INPP4B: variants seen among roughly 807,000 people sequenced by gnomAD.
INPP4B encodes the protein inositol polyphosphate-4-phosphatase type II B.
In INPP4B, 55 loss-of-function variants were observed where a neutral mutation model predicts 122.5. The ratio of observed to expected loss-of-function variants is 0.45; its 90% CI spans 0.36 to 0.56. The LOEUF is 0.56. Among genes scored for constraint, INPP4B ranks in the 20% least tolerant of loss-of-function variants. The probability of loss-of-function intolerance (pLI) is 0.00; values close to 1 mark genes in which losing one functional copy is unlikely to be tolerated. For synonymous variants in INPP4B, 403 were observed against 388.7 expected (o/e 1.04, Z -0.43); for missense variants, 1,000 against 1,097.7 (o/e 0.91, Z 1.26).
intron 3 of INPP4B, among the ~76,000 whole-genome samples, chr4:142,433,770 C>T (rs1809839736): frequency 1.3e-5 from 2 of 152,220 alleles, no homozygotes; most frequent in Admixed American, 1.3e-4. Context: ...TAGTGTTCTG[C>T]CAGCAAATTG....
rs183226976 is a variant in INPP4B, at chr4:142,245,993, T to C, written c.689-7982A>G. 9.2e-4 allele frequency among the ~76,000 whole-genome samples: 119 copies of C among 129,728 alleles called. 16 individuals carry two copies. Among genetic ancestry groups the C allele is most frequent in the African/African-American group, 3.6e-3 (114 of 31,518 alleles). The allele number at this position is 129,728 out of a possible 152,430, so 85.1% of individuals were successfully genotyped here. On this transcript the variant is annotated intron_variant, in intron 11 of 25. Transcript: ENST00000262992. ...ACACACATGTGTGTATGTATACATATATATGTGTATGTATACACACATGTG... is the reference window on the plus strand; with the variant it reads ...ACACACATGTGTGTATGTATACATACATATGTGTATGTATACACACATGTG...
intron 2 of INPP4B, among the ~76,000 whole-genome samples, chr4:142,703,298 T>C (rs189395744): frequency 6.6e-6 from 1 of 152,326 alleles, no homozygotes; most frequent in African/African-American, 2.4e-5. Flanking sequence ...GAATTTTAAA[T>C]TAATAAATAG....
At chr4:142,679,674 C>A (rs776248603) in intron 2 of INPP4B, among the ~76,000 whole-genome samples, 3 of 151,636 alleles carry the variant, frequency 2.0e-5, no homozygotes, top group Non-Finnish European at 4.4e-5. Context: ...CACCTCAAAC[C>A]CATACATAGG....
chr4:142,617,001 T>A (rs1743841799), intron 2 of INPP4B, among the ~76,000 whole-genome samples: 1 of 152,084 alleles, frequency 6.6e-6, no homozygotes, highest in Non-Finnish European at 1.5e-5. Flanking sequence ...TGTGCAGTAT[T>A]TGGGTGATGG....
intron 2 of INPP4B, among the ~76,000 whole-genome samples, chr4:142,537,302 T>G (rs982801031): frequency 2.0e-5 from 3 of 150,428 alleles, no homozygotes; most frequent in African/African-American, 7.3e-5. Context: ...TCAAAGTGTA[T>G]ACCTTAGATA....
chr4:142,119,796 TAC>T (rs34897089), intron 21 of INPP4B, among the ~76,000 whole-genome samples: 104,682 of 148,382 alleles, frequency 0.71, 38,767 homozygotes, highest in South Asian at 0.84. Flanking sequence ...AAAGTATATA[TAC>T]ACACACACAC....
chr4:142,736,447 A>C (rs1047204068), intron 1 of INPP4B, among the ~76,000 whole-genome samples: 3 of 152,072 alleles, frequency 2.0e-5, no homozygotes, highest in Admixed American at 2.0e-4. Context: ...AGACCCTAAA[A>C]CAGAAGCTTC....
chr4:142,311,109 T>C (rs1765354563), intron 8 of INPP4B, among the ~76,000 whole-genome samples: 3 of 152,156 alleles, frequency 2.0e-5, no homozygotes, highest in Non-Finnish European at 4.4e-5. Context: ...GACAGAGCCA[T>C]TACTGGCTCT....
At chr4:142,306,777 A>G (rs1041031328) in intron 8 of INPP4B, among the ~76,000 whole-genome samples, 1 of 152,200 alleles carries the variant, frequency 6.6e-6, no homozygotes, top group African/African-American at 2.4e-5. Flanking sequence ...CTGGAGGCTG[A>G]GGCAGGAGGA....
chr4:142,747,885 G>A (rs955466533), intron 1 of INPP4B, among the ~76,000 whole-genome samples: 2 of 152,016 alleles, frequency 1.3e-5, no homozygotes, highest in African/African-American at 4.8e-5. Flanking sequence ...TGGGGGAGCT[G>A]GGGAAGGGAT....
intron 3 of INPP4B, among the ~76,000 whole-genome samples, chr4:142,435,665 C>A (rs1810308063): frequency 6.6e-6 from 1 of 152,216 alleles, no homozygotes; most frequent in Non-Finnish European, 1.5e-5. Flanking sequence ...TGGCTGCCCA[C>A]CTGAGAGCCA....
At chr4:142,172,167 T>G (rs1250140486) in intron 16 of INPP4B, among the ~76,000 whole-genome samples, 1 of 151,942 alleles carries the variant, frequency 6.6e-6, no homozygotes, top group Non-Finnish European at 1.5e-5. Context: ...AAAAAAAAAC[T>G]TTTAAATAAG....
Position 142,145,896 on chromosome 4 carries a change from TTGCCGCCAC to T in INPP4B, c.1655_1663del (p.Ser552_Gly554del). 1 of 1,613,926 alleles carries T rather than the reference TTGCCGCCAC, an allele frequency of 6.2e-7. No individual in the cohort carries two copies. Among genetic ancestry groups the T allele is most frequent in the Non-Finnish European group, 8.5e-7 (1 of 1,179,820 alleles). ...TGAAGGTTCCTTTTCTCCATCATTG[TTGCCGCCAC>T]TGCCTTCACTGCCACCATCTCTTTC... On this transcript the variant is annotated inframe_deletion, in exon 18 of 26. Transcript: ENST00000262992.
chr4:142,320,671 C>G (rs1037196839), intron 7 of INPP4B, among the ~76,000 whole-genome samples: 1 of 152,102 alleles, frequency 6.6e-6, no homozygotes, highest in Non-Finnish European at 1.5e-5. Context: ...CCCCAAGTCC[C>G]CAAAATCTAC....
chr4:142,568,035 C>T (rs1732009271), intron 2 of INPP4B, among the ~76,000 whole-genome samples: 1 of 152,122 alleles, frequency 6.6e-6, no homozygotes, highest in African/African-American at 2.4e-5. Flanking sequence ...ATTACAGTTC[C>T]AGAGCTAAAC....
At chr4:142,561,245 T>C (rs1730400448) in intron 2 of INPP4B, among the ~76,000 whole-genome samples, 1 of 152,192 alleles carries the variant, frequency 6.6e-6, no homozygotes, top group Admixed American at 6.5e-5. Flanking sequence ...GCCTCTGTTA[T>C]GGAAGAATAA....
At position 142,215,608 on chromosome 4, in the gene INPP4B, T is replaced by G. The variant is rs368863190; in HGVS notation, c.837-6582A>C. 6.0e-4 allele frequency among the ~76,000 whole-genome samples: 92 copies of G among 152,152 alleles called. 1 individual carries two copies. In the East Asian group the frequency reaches 0.014, roughly 22 times the overall value. Reference sequence around the variant, plus strand: ...AAGATAACAGCACCCTGTGGTCCAGTCTCTGCATGTTGCTTCATTGATATA... The same window carrying G: ...AAGATAACAGCACCCTGTGGTCCAGGCTCTGCATGTTGCTTCATTGATATA... On this transcript the variant is annotated intron_variant, in intron 12 of 25. Transcript: ENST00000262992.
At chr4:142,236,418 C>T (rs1856712049) in intron 12 of INPP4B, among the ~76,000 whole-genome samples, 1 of 152,076 alleles carries the variant, frequency 6.6e-6, no homozygotes, top group Non-Finnish European at 1.5e-5. Context: ...TGTTGAAAAC[C>T]CACTTCAGGA....
chr4:142,343,486 A>T (rs1055836074), intron 7 of INPP4B, among the ~76,000 whole-genome samples: 49 of 78,082 alleles, frequency 6.3e-4, no homozygotes, highest in Middle Eastern at 6.8e-3. Flanking sequence ...TTAAGGCTTA[A>T]AAAAAAAAAC....
Sources: allele counts gnomAD v4.1 joint callset (sites outside exome capture counted in the v4.1 genomes callset), GRCh38; gene constraint gnomAD v4.1.1; transcripts MANE v1.5; gene names NCBI Gene and HGNC (gene_info 2026-07-23, HGNC 2026-07-21).